LRRC4C: variants seen among roughly 807,000 people sequenced by gnomAD.
LRRC4C encodes the protein leucine-rich repeat-containing protein 4C.
Under a neutral mutation model 33.6 loss-of-function variants are expected in LRRC4C, and 5 were observed. The observed-to-expected ratio is 0.15, with a 90% confidence interval of 0.08 to 0.31. The LOEUF (loss-of-function observed/expected upper bound fraction) is 0.31, where lower values mean the gene tolerates loss of function less well. Ranked by LOEUF, LRRC4C falls within the 10% of genes least tolerant of loss-of-function variation. The probability of loss-of-function intolerance (pLI) is 1.00; values close to 1 mark genes in which losing one functional copy is unlikely to be tolerated. For synonymous variants in LRRC4C, 329 were observed against 302.0 expected (o/e 1.09, Z -0.93); for missense variants, 560 against 796.7 (o/e 0.70, Z 3.58).
intron 2 of LRRC4C, among the ~76,000 whole-genome samples, chr11:40,901,922 C>A (rs1190968113): frequency 6.6e-6 from 1 of 151,626 alleles, no homozygotes; most frequent in East Asian, 1.9e-4. Flanking sequence ...AGGGGTAACT[C>A]CCTGGTAAGT....
At chr11:40,792,592 A>T (rs936319070) in intron 2 of LRRC4C, among the ~76,000 whole-genome samples, 2 of 152,106 alleles carry the variant, frequency 1.3e-5, no homozygotes, top group Non-Finnish European at 2.9e-5. Context: ...TTCCTCAGGG[A>T]TCTAGAACTA....
intron 1 of LRRC4C, among the ~76,000 whole-genome samples, chr11:41,002,418 A>G (rs1182481618): frequency 2.0e-5 from 3 of 152,120 alleles, no homozygotes; most frequent in African/African-American, 7.2e-5. Context: ...AGCAGCTCCT[A>G]TTAAAATTAG....
At chr11:40,326,844 C>A (rs1453856247) in intron 3 of LRRC4C, among the ~76,000 whole-genome samples, 1 of 151,930 alleles carries the variant, frequency 6.6e-6, no homozygotes, top group African/African-American at 2.4e-5. Context: ...ATGATAATAA[C>A]CAGTGTGTAG....
At chr11:40,954,400 G>A (rs1288593803) in intron 1 of LRRC4C, among the ~76,000 whole-genome samples, 3 of 151,734 alleles carry the variant, frequency 2.0e-5, no homozygotes, top group Non-Finnish European at 4.4e-5. Flanking sequence ...ATAATATTTT[G>A]GAAATCCCTA....
intron 2 of LRRC4C, among the ~76,000 whole-genome samples, chr11:40,860,090 A>AT (rs1473500119): frequency 1.7e-3 from 216 of 126,370 alleles, no homozygotes; most frequent in South Asian, 7.9e-4. Flanking sequence ...TGTCCCCCCA[A>AT]AAAATAAATA....
chr11:41,188,912 CA>C (rs35752552), intron 1 of LRRC4C, among the ~76,000 whole-genome samples: 21,628 of 136,600 alleles, frequency 0.16, 2,173 homozygotes, highest in East Asian at 0.38. Flanking sequence ...CCCCCCCCCC[CA>C]AAAAAAAGTA....
At chr11:40,187,643 A>T (rs1861511698) in intron 5 of LRRC4C, among the ~76,000 whole-genome samples, 1 of 152,096 alleles carries the variant, frequency 6.6e-6, no homozygotes. Flanking sequence ...AGAGAAGGAA[A>T]GGGACTCTGG....
chr11:41,408,755 A>AAAAAAAAAAAAAAC (rs1191106845), intron 1 of LRRC4C, among the ~76,000 whole-genome samples: 2 of 148,010 alleles, frequency 1.4e-5, no homozygotes, highest in African/African-American at 5.3e-5. Context: ...TGTAAAAAAA[A>AAAAAAAAAAAAAAC]AAAAAAAAAA....
intron 1 of LRRC4C, among the ~76,000 whole-genome samples, chr11:40,980,139 G>T (rs564865418): frequency 1.2e-4 from 18 of 151,940 alleles, no homozygotes; most frequent in Non-Finnish European, 1.9e-4. Context: ...ATGCATTTTT[G>T]GACATATTCC....
intron 2 of LRRC4C, among the ~76,000 whole-genome samples, chr11:40,865,535 T>G (rs1954321736): frequency 7.1e-6 from 1 of 141,682 alleles, no homozygotes; most frequent in African/African-American, 2.7e-5. Context: ...ATATATATAA[T>G]TTCAAAACAT....
chr11:41,131,243 G>A (rs1276977797), intron 1 of LRRC4C, among the ~76,000 whole-genome samples: 1 of 151,988 alleles, frequency 6.6e-6, no homozygotes, highest in Non-Finnish European at 1.5e-5. Context: ...ATTGCTTAAA[G>A]GAGATATGCT....
intron 3 of LRRC4C, among the ~76,000 whole-genome samples, chr11:40,546,777 G>A (rs1193403526): frequency 1.3e-5 from 2 of 151,968 alleles, no homozygotes; most frequent in African/African-American, 2.4e-5. Flanking sequence ...GTTTTCATAC[G>A]CACAACTGGG....
chr11:40,987,655 C>G lies in LRRC4C; in HGVS notation c.-495-53932G>C, dbSNP rs1250096470. Among the ~76,000 whole-genome samples, 124 of 20,778 alleles carry G rather than the reference C, an allele frequency of 6.0e-3. 3 individuals are homozygous for G. The highest frequency in any genetic ancestry group is 0.012 in the South Asian group (6 of 494). The allele number at this position is 20,778 out of a possible 152,430, so 13.6% of individuals were successfully genotyped here. On this transcript the variant is annotated intron_variant, in intron 1 of 6. Coordinates refer to ENST00000528697, the MANE Select transcript of LRRC4C (RefSeq NM_001258419.2). ...GATATATATATATATATATATATCT[C>G]ATATATATGAGATATAAATGATATA...
intron 2 of LRRC4C, among the ~76,000 whole-genome samples, chr11:40,708,683 T>C (rs1209528607): frequency 6.6e-6 from 1 of 152,200 alleles, no homozygotes; most frequent in Non-Finnish European, 1.5e-5. Context: ...GAAGAATGTA[T>C]ATTCTGTTGG....
At chr11:41,008,845 A>G (rs563647543) in intron 1 of LRRC4C, among the ~76,000 whole-genome samples, 104 of 152,170 alleles carry the variant, frequency 6.8e-4, no homozygotes, top group Admixed American at 1.2e-3. Flanking sequence ...TTAAGATTCA[A>G]AAACTCCTTT....
rs61877001 is a variant in LRRC4C, at chr11:41,040,007, G to A, written c.-495-106284C>T. ...AAAAAAATTAGCCGGGCGTGGTGGCGGACCCCTGTAGTCACAGCTACTCGG... is the reference window on the plus strand; with the variant it reads ...AAAAAAATTAGCCGGGCGTGGTGGCAGACCCCTGTAGTCACAGCTACTCGG... On this transcript the variant is annotated intron_variant, in intron 1 of 6. Coordinates refer to ENST00000528697, the MANE Select transcript of LRRC4C (RefSeq NM_001258419.2). Among the ~76,000 whole-genome samples, 842 of 151,788 alleles carry A rather than the reference G, an allele frequency of 5.5e-3. 4 individuals carry two copies. The highest frequency in any genetic ancestry group is 1.0e-2 in the Non-Finnish European group (676 of 67,920).
intron 3 of LRRC4C, among the ~76,000 whole-genome samples, chr11:40,456,914 G>A (rs1043119598): frequency 8.1e-6 from 1 of 123,592 alleles, no homozygotes; most frequent in African/African-American, 3.0e-5. Flanking sequence ...AGGAAAGAAA[G>A]GAAGGGGAAA....
chr11:41,381,933 T>G (rs1953171267), intron 1 of LRRC4C, among the ~76,000 whole-genome samples: 1 of 143,950 alleles, frequency 6.9e-6, no homozygotes, highest in Non-Finnish European at 1.5e-5. Context: ...TATATATATA[T>G]GCATATATAT....
chr11:40,307,904 T>C (rs944665240), intron 4 of LRRC4C, among the ~76,000 whole-genome samples: 2 of 152,258 alleles, frequency 1.3e-5, no homozygotes, highest in Non-Finnish European at 1.5e-5. Context: ...TTTAAATTAT[T>C]CATGCAACTG....
Sources: allele counts gnomAD v4.1 joint callset (sites outside exome capture counted in the v4.1 genomes callset), GRCh38; gene constraint gnomAD v4.1.1; transcripts MANE v1.5; gene names NCBI Gene and HGNC (gene_info 2026-07-23, HGNC 2026-07-21).